ZNF286A: variants seen among roughly 807,000 people sequenced by gnomAD.
The protein encoded by ZNF286A is zinc finger protein 286A.
A neutral mutation model predicts 49.3 loss-of-function variants in ZNF286A; 34 were observed. The observed-to-expected ratio is 0.69, with a 90% CI of 0.52 to 0.92. ZNF286A has a LOEUF of 0.92. ZNF286A is among the 40% of genes least tolerant of loss of function. ZNF286A has a pLI of 0.00. For missense variants in ZNF286A, 462 were observed against 600.2 expected (o/e 0.77, Z 2.41); for synonymous variants, 155 against 200.4 (o/e 0.77, Z 1.91).
At position 15,716,649 on chromosome 17, in the gene ZNF286A, G is replaced by C; in HGVS notation, c.925G>C (p.Glu309Gln). The change falls in exon 6 of 6, where the codon GAA becomes CAA. Residue 309 changes from glutamate (E) to glutamine (Q), a missense_variant. Physicochemically the swap from Glu to Gln is conservative, Grantham distance 29 (BLOSUM62 2). Coordinates refer to ENST00000583566, the MANE Select transcript of ZNF286A (RefSeq NM_001130842.2). ...CAGTGAATGCAAGAAAACCTTCACAGAAAGCTCATCCCTTGCAACACATCA... is the reference window on the plus strand; with the variant it reads ...CAGTGAATGCAAGAAAACCTTCACACAAAGCTCATCCCTTGCAACACATCA... ...ECSECKKTFTESSSLATHQRI... is the reference protein window; with the variant it reads ...ECSECKKTFTQSSSLATHQRI... The C allele has an allele frequency of 6.2e-7, 1 of 1,614,084 alleles. No individual in the cohort carries two copies. Among genetic ancestry groups the C allele is most frequent in the South Asian group, 1.1e-5 (1 of 91,088 alleles).
intron 3 of ZNF286A, 60 bp from the exon 4 acceptor site, chr17:15,706,327 T>C (rs1990222956): frequency 7.0e-7 from 1 of 1,423,756 alleles, no homozygotes; most frequent in African/African-American, 1.4e-5. Flanking sequence ...CAGCAGAAAC[T>C]GGGGGATGAA....
At chr17:15,708,825 A>G (rs2151466209) in intron 5 of ZNF286A, among the ~76,000 whole-genome samples, 1 of 152,320 alleles carries the variant, frequency 6.6e-6, no homozygotes, top group South Asian at 2.1e-4. Flanking sequence ...TTTTGTTAAT[A>G]TACCCAGTTT....
chr17:15,706,448 A>G lies in ZNF286A; in HGVS notation c.188A>G (p.Asp63Gly). The G allele has an allele frequency of 6.2e-7, 1 of 1,613,816 alleles. No individual in the cohort carries two copies. The highest frequency in any genetic ancestry group is 2.2e-5 in the East Asian group (1 of 44,848). ...ACACCAGAGGAGTGGGGGAAGCTGG[A>G]TCCTGCACAAAGGGATGTGATGCTG... ...DFTPEEWGKL[D>G]PAQRDVMLEN... The change falls in exon 4 of 6, where the codon GAT becomes GGT. Residue 63 changes from aspartate (D) to glycine (G), a missense_variant. Around this residue, in one of 3 missense-constraint regions of ZNF286A, gnomAD observed 259 missense variants for 272.2 expected, o/e 0.95. Coordinates refer to ENST00000583566, the MANE Select transcript of ZNF286A (RefSeq NM_001130842.2).
chr17:15,701,130 A>G (rs4792655), intron 2 of ZNF286A, 22 bp from the exon 3 acceptor site: 817,875 of 1,603,670 alleles, frequency 0.51, 182,462 homozygotes, highest in East Asian at 0.62. Context: ...AGGTCTCATC[A>G]TTACTGCTTT....
rs1356549014 is a variant in ZNF286A, at chr17:15,704,206, C to T, written c.127-2181C>T. 9 of 1,534,978 alleles carry T rather than the reference C, an allele frequency of 5.9e-6. No individual in the cohort carries two copies. The East Asian group carries it at 1.8e-4, about 31-fold the overall frequency. On this transcript the variant is annotated intron_variant, in intron 3 of 5. Transcript: ENST00000583566. ...GGGAGGGGACAGGAGAGGTTGGGGT[C>T]ACGGTGGAAGGAGGAAGAGAGCCCA...
In ZNF286A at chr17:15,716,387, A is replaced by G; in HGVS notation, c.663A>G (p.Glu221=). ...GATCTTATGCCTTCCATACACTTGA[A>G]AAAAGCTTGAAACAAAAATCAAACT... ...PKGSYAFHTL[E]KSLKQKSNLM... The change falls in exon 6 of 6, where the codon GAA becomes GAG. Residue 221 remains glutamate, a synonymous_variant. Coordinates refer to ENST00000583566, the MANE Select transcript of ZNF286A (RefSeq NM_001130842.2). 6.2e-7 allele frequency: 1 copy of G among 1,613,604 alleles called. No individual in the cohort carries two copies. The highest frequency in any genetic ancestry group is 8.5e-7 in the Non-Finnish European group (1 of 1,179,848).
Position 15,709,918 on chromosome 17 carries a change from G to A in ZNF286A, c.334+1671G>A, listed in dbSNP as rs560331927. 21 of 1,527,434 alleles carry A rather than the reference G, an allele frequency of 1.4e-5. No homozygotes were observed. In the East Asian group the frequency reaches 3.5e-4, roughly 25 times the overall value. 94.6% of individuals were successfully genotyped at this position (1,527,434 alleles called of 1,614,324 possible). On this transcript the variant is annotated intron_variant, in intron 5 of 5. Coordinates refer to ENST00000583566, the MANE Select transcript of ZNF286A (RefSeq NM_001130842.2). ...ATTAGTAGGTCTTAAATCATCACAT[G>A]TTTAGCTTTACTAGGAACTGCCAAC...
chr17:15,706,425 A>C lies in ZNF286A; in HGVS notation c.165A>C (p.Thr55=). Residue 55 remains threonine (T), a synonymous_variant, in exon 4 of 6, where the codon ACA becomes ACC. Transcript: ENST00000583566. ...TCAAGGATGTGGCCATGGACTTTACACCAGAGGAGTGGGGGAAGCTGGATC... is the reference window on the plus strand; with the variant it reads ...TCAAGGATGTGGCCATGGACTTTACCCCAGAGGAGTGGGGGAAGCTGGATC... ...VTFKDVAMDF[T]PEEWGKLDPA... is the part of the protein sequence containing the mutation. The C allele has an allele frequency of 6.2e-7, 1 of 1,613,968 alleles. No individual in the cohort carries two copies. The highest frequency in any genetic ancestry group is 8.5e-7 in the Non-Finnish European group (1 of 1,179,980).
intron 5 of ZNF286A, among the ~76,000 whole-genome samples, chr17:15,709,508 G>C (rs2151467480): frequency 6.6e-6 from 1 of 151,740 alleles, no homozygotes; most frequent in Admixed American, 6.6e-5. Context: ...AAAACAAAAA[G>C]CAAAGAAAAG....
At chr17:15,706,590 G>A in intron 4 of ZNF286A, 89 bp downstream of exon 4, 1 of 941,770 alleles carries the variant, frequency 1.1e-6, no homozygotes, top group Non-Finnish European at 1.6e-6. Flanking sequence ...CTTCACCTTT[G>A]CATTCAGGAG....
chr17:15,710,878 G>T (rs1990594238), intron 5 of ZNF286A, among the ~76,000 whole-genome samples: 1 of 151,232 alleles, frequency 6.6e-6, no homozygotes, highest in Admixed American at 6.6e-5. Flanking sequence ...TCTAGTTTTT[G>T]ACTTTCAGTT....
At position 15,716,740 on chromosome 17, in the gene ZNF286A, C is replaced by T; in HGVS notation, c.1016C>T (p.Thr339Ile). Reference sequence around the variant, plus strand: ...TGTGGGAAAGGTTTTAATCGAAGTACACATCTTGTGCAGCATCAGTTGATT... The same window carrying T: ...TGTGGGAAAGGTTTTAATCGAAGTATACATCTTGTGCAGCATCAGTTGATT... ...NECGKGFNRS[T>I]HLVQHQLIHT... Residue 339 changes from threonine to isoleucine, a missense_variant, in exon 6 of 6, where the codon ACA becomes ATA. By Grantham distance (89) the Thr-to-Ile change is moderately conservative. Coordinates refer to ENST00000583566, the MANE Select transcript of ZNF286A (RefSeq NM_001130842.2). The T allele has an allele frequency of 2.5e-6, 4 of 1,613,932 alleles. No individual in the cohort carries two copies. Among genetic ancestry groups the T allele is most frequent in the Non-Finnish European group, 3.4e-6 (4 of 1,179,864 alleles).
At chr17:15,715,443 T>G (rs1040139124) in intron 5 of ZNF286A, among the ~76,000 whole-genome samples, 7 of 152,152 alleles carry the variant, frequency 4.6e-5, no homozygotes, top group Non-Finnish European at 8.8e-5. Context: ...CATTTCTGTA[T>G]AGTAGGATAT....
chr17:15,704,894 A>C, intron 3 of ZNF286A: 2 of 1,608,934 alleles, frequency 1.2e-6, no homozygotes, highest in Non-Finnish European at 1.7e-6. Flanking sequence ...TCCACGTTGG[A>C]GTTCATGGCT....
At chr17:15,710,322 T>C (rs1286366874) in intron 5 of ZNF286A, among the ~76,000 whole-genome samples, 1 of 152,210 alleles carries the variant, frequency 6.6e-6, no homozygotes, top group African/African-American at 2.4e-5. Context: ...GTGAATTGTC[T>C]ATCTACTTTA....
chr17:15,715,396 A>C (rs934489632), intron 5 of ZNF286A, among the ~76,000 whole-genome samples: 1 of 151,996 alleles, frequency 6.6e-6, no homozygotes, highest in African/African-American at 2.4e-5. Flanking sequence ...CAGGAGATGG[A>C]TAGTACTCCA....
At chr17:15,710,461 A>G (rs1990566556) in intron 5 of ZNF286A, among the ~76,000 whole-genome samples, 1 of 152,196 alleles carries the variant, frequency 6.6e-6, no homozygotes, top group Non-Finnish European at 1.5e-5. Flanking sequence ...TAAGTCCAGC[A>G]TTGTTCATGG....
At chr17:15,701,372 G>T in intron 3 of ZNF286A, 132 bp downstream of exon 3, 1 of 669,808 alleles carries the variant, frequency 1.5e-6, no homozygotes, top group Non-Finnish European at 2.5e-6. Context: ...TAAGAGACTA[G>T]TCAGGAGACT....
intron 5 of ZNF286A, 40 bp from the exon 6 acceptor site, chr17:15,716,019 A>G (rs750661262): frequency 1.9e-6 from 3 of 1,613,518 alleles, no homozygotes; most frequent in Non-Finnish European, 1.7e-6. Context: ...TTTGTTGAGC[A>G]CAGAAAACGA....
Sources: allele counts gnomAD v4.1 joint callset (sites outside exome capture counted in the v4.1 genomes callset), GRCh38; gene constraint gnomAD v4.1.1; regional missense constraint gnomAD v4.1.1; transcripts MANE v1.5; gene names NCBI Gene and HGNC (gene_info 2026-07-23, HGNC 2026-07-21).